ATF7: variants seen among roughly 807,000 people sequenced by gnomAD.
The protein encoded by ATF7 is cyclic AMP-dependent transcription factor ATF-7.
A neutral mutation model predicts 50.4 loss-of-function variants in ATF7; 10 were observed. That is an observed-to-expected ratio of 0.20 (90% confidence interval 0.12 to 0.34). The LOEUF (loss-of-function observed/expected upper bound fraction) is 0.34. ATF7 is among the 10% of genes least tolerant of loss of function. The probability of loss-of-function intolerance (pLI) is 1.00; values close to 1 mark genes in which losing one functional copy is unlikely to be tolerated. For synonymous variants in ATF7, 201 were observed against 226.4 expected (o/e 0.89, Z 1.01); for missense variants, 465 against 613.9 (o/e 0.76, Z 2.56).
chr12:53,534,598 G>T lies in ATF7; in HGVS notation c.464C>A (p.Ser155Tyr). The T allele has an allele frequency of 1.2e-6, 2 of 1,613,568 alleles. No homozygotes were observed. Among genetic ancestry groups the T allele is most frequent in the Non-Finnish European group, 1.7e-6 (2 of 1,179,816 alleles). ...TPTPTIVRPG[S>Y]LPLHLGYDPL... is the part of the protein sequence containing the mutation. ...ATCATAGCCCAAGTGGAGAGGCAGG[G>T]AGCCAGGACGTACAATGGTGGGTGT... is the stretch of plus-strand genomic sequence containing the variant. Residue 155 changes from serine to tyrosine, a missense_variant, in exon 6 of 12, where the codon TCC becomes TAC. Physicochemically the swap from Ser to Tyr is moderately radical, Grantham distance 144. Coordinates refer to ENST00000420353, the MANE Select transcript of ATF7 (RefSeq NM_006856.3).
intron 2 of ATF7, among the ~76,000 whole-genome samples, chr12:53,573,677 G>C (rs1941898888): frequency 6.6e-6 from 1 of 152,108 alleles, no homozygotes; most frequent in Admixed American, 6.6e-5. Context: ...GTGAATAAGG[G>C]GGGACTACTG....
rs1939710243 is a variant in ATF7 at position 53,543,731 on chromosome 12, C to T, written c.146-283G>A. The T allele has an allele frequency of 2.9e-5, 10 of 347,158 alleles. No individual in the cohort carries two copies. The East Asian group carries it at 5.2e-4, about 18-fold the overall frequency. 21.5% of individuals were successfully genotyped at this position (347,158 alleles called of 1,614,324 possible). A position where few individuals can be genotyped will look rare whatever the true frequency, so the allele number is the denominator to read the frequency against. ...TTTTCTCTCAGTGCTAGTTTTACCT[C>T]GTTTACCTCCAACCAAACCAAACCA... On this transcript the variant is annotated intron_variant, in intron 3 of 11. Transcript: ENST00000420353.
intron 1 of ATF7, among the ~76,000 whole-genome samples, chr12:53,606,401 A>C (rs1415437563): frequency 2.0e-5 from 3 of 152,002 alleles, no homozygotes; most frequent in Admixed American, 6.6e-5. Flanking sequence ...GGCATGTGCC[A>C]CCACGCCTGG....
At position 53,576,701 on chromosome 12, in the gene ATF7, AAAAC is replaced by A. The variant is rs556071136; in HGVS notation, c.49-24068_49-24065del. On this transcript the variant is annotated intron_variant, in intron 2 of 11. Coordinates refer to ENST00000420353, the MANE Select transcript of ATF7 (RefSeq NM_006856.3). ...GAGAAAATAAATTTCTGTTCTTTATAAAACAAACAAACAAACAAACAAACAAGAA... is the reference window on the plus strand; with the variant it reads ...GAGAAAATAAATTTCTGTTCTTTATAAAACAAACAAACAAACAAACAAGAA... Among the ~76,000 whole-genome samples, 1,285 of 152,218 alleles carry A rather than the reference AAAAC, an allele frequency of 8.4e-3. 17 individuals are homozygous for A. The highest frequency in any genetic ancestry group is 0.028 in the African/African-American group (1,171 of 41,506).
In ATF7 at chr12:53,515,276, A is replaced by C. The variant is rs1242905198; in HGVS notation, c.*1861T>G. On this transcript the variant is annotated 3_prime_UTR_variant, in exon 12 of 12. Coordinates refer to ENST00000420353, the MANE Select transcript of ATF7 (RefSeq NM_006856.3). ...TTCACTAGGACAGGATATCACTTTAAGGAAACGGGAATCTTGTAGCTTAGA... is the reference window on the plus strand; with the variant it reads ...TTCACTAGGACAGGATATCACTTTACGGAAACGGGAATCTTGTAGCTTAGA... 1.3e-5 allele frequency: 2 copies of C among 152,248 alleles called. No individual in the cohort carries two copies. Among genetic ancestry groups the C allele is most frequent in the African/African-American group, 4.8e-5 (2 of 41,464 alleles). 9.4% of individuals were successfully genotyped at this position (152,248 alleles called of 1,614,324 possible).
chr12:53,591,636 T>C (rs1012900536), intron 2 of ATF7, among the ~76,000 whole-genome samples: 3 of 152,156 alleles, frequency 2.0e-5, no homozygotes, highest in Admixed American at 2.0e-4. Flanking sequence ...ATCTTTATAG[T>C]GGATTGAGCT....
chr12:53,581,844 CA>C (rs1942439358), intron 2 of ATF7, among the ~76,000 whole-genome samples: 1 of 150,304 alleles, frequency 6.7e-6, no homozygotes, highest in African/African-American at 2.5e-5. Flanking sequence ...TAGTGTAGGT[CA>C]GGGGTGGTGC....
At chr12:53,625,326 T>G (rs1376276921) in intron 1 of ATF7, among the ~76,000 whole-genome samples, 3 of 152,130 alleles carry the variant, frequency 2.0e-5, no homozygotes. Flanking sequence ...AGCGTTCTAT[T>G]TTTCTCCTTC....
intron 1 of ATF7, among the ~76,000 whole-genome samples, chr12:53,603,880 A>T (rs2137837536): frequency 6.6e-6 from 1 of 152,264 alleles, no homozygotes; most frequent in Middle Eastern, 3.4e-3. Flanking sequence ...CACTGATGCC[A>T]TCTCAAAAAC....
chr12:53,619,513 A>G (rs2137933211), intron 1 of ATF7, among the ~76,000 whole-genome samples: 1 of 151,182 alleles, frequency 6.6e-6, no homozygotes, highest in East Asian at 1.9e-4. Context: ...AGAAAAAAAA[A>G]AGAAGAGTTT....
intron 2 of ATF7, among the ~76,000 whole-genome samples, chr12:53,571,329 T>A (rs769790248): frequency 6.6e-6 from 1 of 152,158 alleles, no homozygotes; most frequent in Non-Finnish European, 1.5e-5. Flanking sequence ...TCAAGCCACC[T>A]AGTTTGTGGT....
rs1433428374 is a variant in ATF7, at chr12:53,516,033, A to G, written c.*1104T>C. Reference sequence around the variant, plus strand: ...GAGAGTCCCCTACATGACAGCCTCCAGGAGGGCTGAGTCTGAAGTAGTTAC... The same window carrying G: ...GAGAGTCCCCTACATGACAGCCTCCGGGAGGGCTGAGTCTGAAGTAGTTAC... On this transcript the variant is annotated 3_prime_UTR_variant, in exon 12 of 12. Coordinates refer to ENST00000420353, the MANE Select transcript of ATF7 (RefSeq NM_006856.3). 6.6e-6 allele frequency: 1 copy of G among 152,208 alleles called. No homozygotes were observed. Among genetic ancestry groups the G allele is most frequent in the Non-Finnish European group, 1.5e-5 (1 of 68,066 alleles). The allele number at this position is 152,208 out of a possible 1,614,324, so 9.4% of individuals were successfully genotyped here.
chr12:53,524,962 CAGTCTCATACTT>C lies in ATF7; in HGVS notation c.928-213_928-202del. The C allele has an allele frequency of 3.7e-6, 2 of 541,922 alleles. No individual in the cohort carries two copies. Among genetic ancestry groups the C allele is most frequent in the Admixed American group, 7.3e-5 (2 of 27,568 alleles). The allele number at this position is 541,922 out of a possible 1,614,324, so 33.6% of individuals were successfully genotyped here. ...GCCTCCTATTTCCTTCCAGTCTTCTCAGTCTCATACTTAGACAAACTACAGTTCATTTGGAAA... is the reference window on the plus strand; with the variant it reads ...GCCTCCTATTTCCTTCCAGTCTTCTCAGACAAACTACAGTTCATTTGGAAA... On this transcript the variant is annotated intron_variant, in intron 9 of 11. Coordinates refer to ENST00000420353, the MANE Select transcript of ATF7 (RefSeq NM_006856.3). The surrounding 1 kb of genome is among the most constrained non-coding windows in gnomAD (Gnocchi z 4.6).
intron 11 of ATF7, among the ~76,000 whole-genome samples, chr12:53,520,902 C>T (rs1480043978): frequency 5.3e-5 from 8 of 152,140 alleles, no homozygotes; most frequent in African/African-American, 1.9e-4. Flanking sequence ...CTACCGTCAT[C>T]CCTTGCTTGT....
chr12:53,528,778 G>C (rs558540273), intron 9 of ATF7, among the ~76,000 whole-genome samples: 2 of 151,692 alleles, frequency 1.3e-5, no homozygotes, highest in South Asian at 2.1e-4. Context: ...AAAAAGAAAA[G>C]AAAAGAAAAC....
At position 53,546,373 on chromosome 12, in the gene ATF7, C is replaced by CA. The variant is rs1173852158; in HGVS notation, c.146-2926dup. ...CTAGTGACAGAGCCAGAACCTGTCTCAAAAAAAACAAAAAACAGGAGAAAA... is the reference window on the plus strand; with the variant it reads ...CTAGTGACAGAGCCAGAACCTGTCTCAAAAAAAAACAAAAAACAGGAGAAAA... On this transcript the variant is annotated intron_variant, in intron 3 of 11. Coordinates refer to ENST00000420353, the MANE Select transcript of ATF7 (RefSeq NM_006856.3). 1.7e-4 allele frequency among the ~76,000 whole-genome samples: 10 copies of CA among 60,306 alleles called. No homozygotes were observed. The South Asian group carries it at 2.1e-3, about 13-fold the overall frequency. The allele number at this position is 60,306 out of a possible 152,430, so 39.6% of individuals were successfully genotyped here.
intron 2 of ATF7, among the ~76,000 whole-genome samples, chr12:53,589,321 T>C (rs1011227209): frequency 6.6e-6 from 1 of 152,208 alleles, no homozygotes; most frequent in African/African-American, 2.4e-5. Flanking sequence ...CCCTGTAAAG[T>C]ACTTTGGCAG....
chr12:53,510,817 A>G (rs1198277934), downstream of ATF7, among the ~76,000 whole-genome samples: 2 of 152,174 alleles, frequency 1.3e-5, no homozygotes, highest in Non-Finnish European at 2.9e-5. Flanking sequence ...TGATTCCTCT[A>G]ATTTTGTAAA....
rs1937645232 is a variant in ATF7, at chr12:53,515,376, T to C, written c.*1761A>G. ...AGGAAGCTGGCAGTTATTTTGTATGTATGTTTAAGATGGAGGTAGGAAAGA... is the reference window on the plus strand; with the variant it reads ...AGGAAGCTGGCAGTTATTTTGTATGCATGTTTAAGATGGAGGTAGGAAAGA... On this transcript the variant is annotated 3_prime_UTR_variant, in exon 12 of 12. Transcript: ENST00000420353. 6.6e-6 allele frequency: 1 copy of C among 152,212 alleles called. No homozygotes were observed. Among genetic ancestry groups the C allele is most frequent in the African/African-American group, 2.4e-5 (1 of 41,456 alleles). 9.4% of individuals were successfully genotyped at this position (152,212 alleles called of 1,614,324 possible).
Sources: allele counts gnomAD v4.1 joint callset (sites outside exome capture counted in the v4.1 genomes callset), GRCh38; gene constraint gnomAD v4.1.1; non-coding constraint Gnocchi (gnomAD v3.1); transcripts MANE v1.5; gene names NCBI Gene and HGNC (gene_info 2026-07-23, HGNC 2026-07-21).